Variants in STON1 observed in about 807,000 individuals in gnomAD.
STON1 encodes the protein stonin-1.
A neutral mutation model predicts 60.9 loss-of-function variants in STON1; 79 were observed. The ratio of observed to expected loss-of-function variants is 1.30; its 90% confidence interval spans 1.08 to 1.56. The LOEUF (loss-of-function observed/expected upper bound fraction) is 1.56. STON1 is among the 40% of genes most tolerant of loss of function. The pLI, the probability that STON1 is intolerant of heterozygous loss-of-function variation, is 0.00. For synonymous variants in STON1, 363 were observed against 306.9 expected (o/e 1.18, Z -1.91); for missense variants, 1,166 against 858.9 (o/e 1.36, Z -4.47).
At position 48,581,139 on chromosome 2, in the gene STON1, A is replaced by T. The variant is rs115483107; in HGVS notation, c.506A>T (p.Asp169Val). The change falls in exon 2 of 4, where the codon GAT becomes GTT. Residue 169 changes from aspartate (D) to valine (V), a missense_variant. Transcript: ENST00000404752. ...QAESLGFQSDDLPQFQYFRED... is the reference protein window; with the variant it reads ...QAESLGFQSDVLPQFQYFRED... ...GAAAGCCTAGGATTCCAAAGTGATG[A>T]TCTCCCCCAGTTTCAGTATTTTCGA... 6 of 1,578,776 alleles carry T rather than the reference A, an allele frequency of 3.8e-6. No homozygotes were observed. Among genetic ancestry groups the T allele is most frequent in the African/African-American group, 2.7e-5 (2 of 73,462 alleles).
intron 1 of STON1, among the ~76,000 whole-genome samples, chr2:48,574,912 G>T (rs1673395417): frequency 6.6e-6 from 1 of 152,212 alleles, no homozygotes; most frequent in Non-Finnish European, 1.5e-5. Context: ...GTTTTCAACT[G>T]TTAAAAACGG....
chr2:48,564,733 CTTTTTTT>C (rs776637856), intron 1 of STON1, among the ~76,000 whole-genome samples: 4 of 100,912 alleles, frequency 4.0e-5, no homozygotes, highest in African/African-American at 1.6e-4. Context: ...TTCTTTCTTT[CTTTTTTT>C]TTTTTTTTTT....
At chr2:48,562,934 C>T (rs1172969069) in intron 1 of STON1, among the ~76,000 whole-genome samples, 1 of 152,222 alleles carries the variant, frequency 6.6e-6, no homozygotes, top group East Asian at 1.9e-4. Flanking sequence ...TGGATGCTCA[C>T]TTTCCCCAGA....
In STON1 at chr2:48,582,429, G is replaced by A. The variant is rs200156328; in HGVS notation, c.1796G>A (p.Arg599His). Residue 599 changes from arginine to histidine, a missense_variant, in exon 2 of 4, where the codon CGC (arginine) becomes CAC (histidine). By Grantham distance (29) the Arg-to-His change is conservative. Coordinates refer to ENST00000404752, the MANE Select transcript of STON1 (RefSeq NM_006873.4). Reference protein sequence around the residue: ...RQKSLKAKMNRRACLGSLQEL... With the variant: ...RQKSLKAKMNHRACLGSLQEL... ...AAGTCTCTGAAAGCTAAAATGAACC[G>A]CCGAGCATGTCTGGGGAGTTTACAG... The A allele has an allele frequency of 5.6e-5, 90 of 1,614,036 alleles. No homozygotes were observed. The highest frequency in any genetic ancestry group is 5.6e-4 in the East Asian group (25 of 44,890).
chr2:48,534,658 C>A (rs889523809), intron 1 of STON1, among the ~76,000 whole-genome samples: 2 of 152,130 alleles, frequency 1.3e-5, no homozygotes, highest in African/African-American at 2.4e-5. Context: ...GTTGCACATG[C>A]CTGAGTCCCA....
At chr2:48,544,184 T>TTG (rs34920901) in intron 1 of STON1, among the ~76,000 whole-genome samples, 43 of 145,372 alleles carry the variant, frequency 3.0e-4, no homozygotes, top group African/African-American at 8.3e-4. Context: ...TCTCTGGATT[T>TTG]TGTGTGTGTG....
chr2:48,546,890 C>G (rs1038356680), intron 1 of STON1, among the ~76,000 whole-genome samples: 9 of 152,146 alleles, frequency 5.9e-5, no homozygotes, highest in African/African-American at 2.2e-4. Context: ...TCACACACAC[C>G]TTTCACCACA....
At position 48,580,632 on chromosome 2, in the gene STON1, A is replaced by T. The variant is rs1673820405; in HGVS notation, c.-2A>T. 7.4e-7 allele frequency: 1 copy of T among 1,352,640 alleles called. No homozygotes were observed. Among genetic ancestry groups the T allele is most frequent in the African/African-American group, 1.5e-5 (1 of 67,162 alleles). The allele number at this position is 1,352,640 out of a possible 1,614,324, so 83.8% of individuals were successfully genotyped here. On this transcript the variant is annotated 5_prime_UTR_variant, in exon 2 of 4. In the 5' UTR this introduces an upstream ATG that the reference lacks. Coordinates refer to ENST00000404752, the MANE Select transcript of STON1 (RefSeq NM_006873.4). ...TGACAAGACCACAATCTGATCCCAA[A>T]GATGTGCTCCACAAATCCAGGCAAA...
intron 1 of STON1, among the ~76,000 whole-genome samples, chr2:48,534,831 C>G (rs956818813): frequency 6.6e-6 from 1 of 152,114 alleles, no homozygotes; most frequent in East Asian, 1.9e-4. Context: ...CACACTGATA[C>G]GTAAAATGGA....
intron 1 of STON1, among the ~76,000 whole-genome samples, chr2:48,571,654 T>C (rs1324063851): frequency 6.6e-6 from 1 of 152,122 alleles, no homozygotes; most frequent in East Asian, 1.9e-4. Flanking sequence ...GGAGACCCAA[T>C]AGGCTTCTAA....
At chr2:48,549,600 TCAGGAGTTCAATA>T (rs1223810256) in intron 1 of STON1, among the ~76,000 whole-genome samples, 3 of 151,646 alleles carry the variant, frequency 2.0e-5, no homozygotes, top group African/African-American at 7.3e-5. Context: ...TCACCTGAGG[TCAGGAGTTCAATA>T]CCAGCCTGAC....
chr2:48,597,662 C>A lies in STON1; in HGVS notation c.*2360C>A, dbSNP rs1203457724. ...CTGGACTAAAGCCCAAATGGATTGT[C>A]TGTGGCAATGCAGAAGCTGATAGCA... On this transcript the variant is annotated 3_prime_UTR_variant, in exon 4 of 4. Transcript: ENST00000404752. 3 of 152,644 alleles carry A rather than the reference C, an allele frequency of 2.0e-5. No individual in the cohort carries two copies. The highest frequency in any genetic ancestry group is 1.3e-4 in the Admixed American group (2 of 15,292). The allele number at this position is 152,644 out of a possible 1,614,324, so 9.5% of individuals were successfully genotyped here.
chr2:48,550,698 T>G (rs892514700), intron 1 of STON1, among the ~76,000 whole-genome samples: 3 of 151,628 alleles, frequency 2.0e-5, no homozygotes, highest in Admixed American at 6.6e-5. Context: ...GATAACTGGT[T>G]AGCTCAAAGT....
intron 2 of STON1, among the ~76,000 whole-genome samples, chr2:48,587,871 G>A (rs138408781): frequency 0.012 from 1,848 of 152,306 alleles, 21 homozygotes; most frequent in Non-Finnish European, 0.018. Context: ...GTCAGGTGGC[G>A]TCCAGAGGGC....
intron 1 of STON1, among the ~76,000 whole-genome samples, chr2:48,566,751 C>G (rs1401871266): frequency 6.6e-6 from 1 of 152,218 alleles, no homozygotes; most frequent in Non-Finnish European, 1.5e-5. Context: ...GGGACCCTAT[C>G]TTCAGGCATT....
At chr2:48,586,668 G>A (rs1282140067) in intron 2 of STON1, among the ~76,000 whole-genome samples, 2 of 151,598 alleles carry the variant, frequency 1.3e-5, no homozygotes, top group African/African-American at 2.4e-5. Context: ...AAGACCTTGT[G>A]GGCCATGCTG....
At chr2:48,578,967 C>T (rs1673712522) in intron 1 of STON1, among the ~76,000 whole-genome samples, 1 of 151,686 alleles carries the variant, frequency 6.6e-6, no homozygotes, top group Non-Finnish European at 1.5e-5. Flanking sequence ...TTTAGTTTCA[C>T]TCTTTTGCAT....
chr2:48,583,889 C>A (rs979942606), intron 2 of STON1, among the ~76,000 whole-genome samples: 2 of 151,614 alleles, frequency 1.3e-5, no homozygotes, highest in Non-Finnish European at 2.9e-5. Flanking sequence ...GTAGCTGGAA[C>A]TACAGGCGCC....
At chr2:48,548,224 C>T (rs535096329) in intron 1 of STON1, among the ~76,000 whole-genome samples, 7 of 152,360 alleles carry the variant, frequency 4.6e-5, no homozygotes, top group African/African-American at 9.6e-5. Flanking sequence ...TCTATTTTCT[C>T]GCTCTGACCT....
Sources: allele counts gnomAD v4.1 joint callset (sites outside exome capture counted in the v4.1 genomes callset), GRCh38; gene constraint gnomAD v4.1.1; transcripts MANE v1.5; gene names NCBI Gene and HGNC (gene_info 2026-07-23, HGNC 2026-07-21).